STK32B: variants seen among roughly 807,000 people sequenced by gnomAD.
The protein encoded by STK32B is serine/threonine kinase 32B.
In STK32B, 43 loss-of-function variants were observed where a neutral mutation model predicts 52.6. The ratio of observed to expected loss-of-function variants is 0.82; its 90% CI spans 0.64 to 1.05. The LOEUF (loss-of-function observed/expected upper bound fraction) is 1.05. STK32B is among the 50% of genes least tolerant of loss of function. The pLI, the probability that STK32B is intolerant of heterozygous loss-of-function variation, is 0.00. For synonymous variants in STK32B, 238 were observed against 204.3 expected, an observed-to-expected ratio of 1.17 and a Z score of -1.41; for missense variants, 621 against 534.6, an observed-to-expected ratio of 1.16 and a Z score of -1.59.
intron 4 of STK32B, among the ~76,000 whole-genome samples, chr4:5,343,786 C>T (rs912268949): frequency 5.3e-5 from 8 of 152,110 alleles, no homozygotes; most frequent in African/African-American, 1.9e-4. Context: ...AATAGGCAAC[C>T]TACAAATATT....
At chr4:5,296,174 G>C (rs904528025) in intron 3 of STK32B, among the ~76,000 whole-genome samples, 2 of 152,006 alleles carry the variant, frequency 1.3e-5, no homozygotes, top group African/African-American at 2.4e-5. Context: ...GGAGTGTTTT[G>C]CTTCCAATTA....
intron 3 of STK32B, among the ~76,000 whole-genome samples, chr4:5,272,400 G>A (rs368789072): frequency 0.027 from 3,886 of 142,654 alleles, 81 homozygotes; most frequent in Middle Eastern, 0.049. Context: ...TGCTGGATTC[G>A]GTTTGCCAGT....
intron 6 of STK32B, among the ~76,000 whole-genome samples, chr4:5,437,390 C>T (rs1026602231): frequency 6.6e-6 from 1 of 152,228 alleles, no homozygotes; most frequent in Admixed American, 6.5e-5. Context: ...CCAGTAGCTC[C>T]AGGCGTTCCT....
At chr4:5,027,072 T>C in the STK32B span, among the ~76,000 whole-genome samples, 1 of 152,218 alleles carries the variant, frequency 6.6e-6, no homozygotes, top group Non-Finnish European at 1.5e-5. Context: ...TGGGGTAGAC[T>C]GAATACCTAG....
chr4:5,173,832 G>T (rs1219349562), intron 3 of STK32B, among the ~76,000 whole-genome samples: 1 of 152,196 alleles, frequency 6.6e-6, no homozygotes, highest in Non-Finnish European at 1.5e-5. Flanking sequence ...CCTTGGTGCA[G>T]TGCTGAGTTC....
At chr4:5,474,872 G>A (rs1052698103) in intron 11 of STK32B, among the ~76,000 whole-genome samples, 4 of 152,172 alleles carry the variant, frequency 2.6e-5, no homozygotes, top group African/African-American at 9.7e-5. Context: ...GAAGTCTAGA[G>A]GGTTTACTGC....
intron 11 of STK32B, among the ~76,000 whole-genome samples, chr4:5,485,265 T>C (rs1225942665): frequency 1.3e-5 from 2 of 152,202 alleles, no homozygotes; most frequent in Non-Finnish European, 2.9e-5. Context: ...AAGTCTCATA[T>C]TTCTTGGAGG....
chr4:5,450,966 C>G (rs2109130714), intron 7 of STK32B, among the ~76,000 whole-genome samples: 1 of 152,300 alleles, frequency 6.6e-6, no homozygotes, highest in Middle Eastern at 3.4e-3. Context: ...CCCATCCACA[C>G]TCTGTGCTTC....
intron 3 of STK32B, among the ~76,000 whole-genome samples, chr4:5,277,956 C>T (rs753448387): frequency 4.6e-5 from 7 of 152,104 alleles, no homozygotes; most frequent in Non-Finnish European, 1.0e-4. Context: ...GACCTAGAAA[C>T]GAAACTGTTT....
intron 4 of STK32B, among the ~76,000 whole-genome samples, chr4:5,381,041 T>G (rs1735902994): frequency 6.6e-6 from 1 of 151,976 alleles, no homozygotes; most frequent in Admixed American, 6.6e-5. Context: ...TTCCTCCCAT[T>G]CCTTGTCTTT....
At chr4:5,143,706 C>T (rs1374624) in intron 2 of STK32B, among the ~76,000 whole-genome samples, 24 of 151,840 alleles carry the variant, frequency 1.6e-4, no homozygotes, top group African/African-American at 5.6e-4. Flanking sequence ...CTGGCACTCA[C>T]ACTATCCCTT....
intron 3 of STK32B, among the ~76,000 whole-genome samples, chr4:5,199,838 C>T (rs1473237140): frequency 1.3e-5 from 2 of 152,036 alleles, no homozygotes; most frequent in African/African-American, 4.8e-5. Flanking sequence ...TTCCCCACTC[C>T]CACCTGAGGA....
chr4:5,241,186 A>G (rs1396038533), intron 3 of STK32B, among the ~76,000 whole-genome samples: 2 of 151,878 alleles, frequency 1.3e-5, no homozygotes, highest in Non-Finnish European at 2.9e-5. Flanking sequence ...CTGATGTACT[A>G]TTTTTGTCTG....
chr4:5,375,258 A>G (rs1735514384), intron 4 of STK32B, among the ~76,000 whole-genome samples: 1 of 151,826 alleles, frequency 6.6e-6, no homozygotes, highest in African/African-American at 2.4e-5. Flanking sequence ...TTTCACAGCC[A>G]TGCCCTTCTG....
rs371673259 is a variant in STK32B, at chr4:5,077,328, T to C, written c.52+25413T>C. Among the ~76,000 whole-genome samples, 5 of 152,022 alleles carry C rather than the reference T, an allele frequency of 3.3e-5. 1 individual carries two copies. The East Asian group carries it at 7.7e-4, about 23-fold the overall frequency. On this transcript the variant is annotated intron_variant, in intron 1 of 11. Coordinates refer to ENST00000282908, the MANE Select transcript of STK32B (RefSeq NM_018401.3). ...CCTTGCTGCACGCAGGCATTTCCTT[T>C]TACAGTCCAACCCTCTTGGTGGTGC...
chr4:5,174,502 G>T (rs962118021), intron 3 of STK32B, among the ~76,000 whole-genome samples: 6 of 152,130 alleles, frequency 3.9e-5, no homozygotes, highest in African/African-American at 1.2e-4. Context: ...GCCTGGTGGT[G>T]ACAAAATCTC....
rs1039284109 is a variant in STK32B at position 5,172,070 on chromosome 4, A to T, written c.260+3620A>T. Among the ~76,000 whole-genome samples, 3 of 151,670 alleles carry T rather than the reference A, an allele frequency of 2.0e-5. No individual in the cohort carries two copies. In the South Asian group the frequency reaches 6.3e-4, roughly 32 times the overall value. ...TAGGTATTTTATTCTCTTTGAAGCA[A>T]TTGAGAATGGGAGTTAACTCATGAT... is the stretch of plus-strand genomic sequence containing the variant. On this transcript the variant is annotated intron_variant, in intron 3 of 11. Transcript: ENST00000282908.
the STK32B span, among the ~76,000 whole-genome samples, chr4:5,035,048 G>C: frequency 1.3e-5 from 2 of 152,158 alleles, no homozygotes; most frequent in Non-Finnish European, 2.9e-5. Flanking sequence ...CCATGGATTG[G>C]CTCCAATGGG....
At chr4:5,341,634 A>G (rs997372222) in intron 4 of STK32B, among the ~76,000 whole-genome samples, 1 of 152,208 alleles carries the variant, frequency 6.6e-6, no homozygotes, top group Non-Finnish European at 1.5e-5. Context: ...AAAGAAATAC[A>G]TGAGACTGAG....
Sources: allele counts gnomAD v4.1 joint callset (sites outside exome capture counted in the v4.1 genomes callset), GRCh38; gene constraint gnomAD v4.1.1; transcripts MANE v1.5; gene names NCBI Gene and HGNC (gene_info 2026-07-23, HGNC 2026-07-21).